SAXO1: variants seen among roughly 807,000 people sequenced by gnomAD.
SAXO1 encodes the protein stabilizer of axonemal microtubules 1, also known as 4930500O09Rik.
A neutral mutation model predicts 17.5 loss-of-function variants in SAXO1; 21 were observed. The ratio of observed to expected loss-of-function variants is 1.20; its 90% CI spans 0.85 to 1.72. SAXO1 has a LOEUF of 1.72. Among genes scored for constraint, SAXO1 ranks in the 40% most tolerant of loss-of-function variants. The pLI is 0.00. For missense variants in SAXO1, 843 were observed against 596.0 expected, an observed-to-expected ratio of 1.41 and a Z score of -4.32; for synonymous variants, 274 against 216.5, an observed-to-expected ratio of 1.27 and a Z score of -2.33.
chr9:18,986,403 T>A (rs951026593), intron 1 of SAXO1, among the ~76,000 whole-genome samples: 1 of 152,214 alleles, frequency 6.6e-6, no homozygotes, highest in African/African-American at 2.4e-5. Flanking sequence ...CAAACTATTT[T>A]AACAGGATAA....
intron 3 of SAXO1, among the ~76,000 whole-genome samples, chr9:18,937,928 A>C (rs1192064182): frequency 6.6e-6 from 1 of 152,248 alleles, no homozygotes; most frequent in East Asian, 1.9e-4. Flanking sequence ...CATAAGACAC[A>C]CATGTTGCAA....
chr9:18,985,959 C>G (rs72694600), intron 1 of SAXO1, among the ~76,000 whole-genome samples: 2 of 152,126 alleles, frequency 1.3e-5, no homozygotes, highest in African/African-American at 4.8e-5. Context: ...TGGTTTCCTA[C>G]CAAGAAGTAA....
At chr9:18,982,141 C>A (rs1230613440) in intron 1 of SAXO1, among the ~76,000 whole-genome samples, 1 of 152,214 alleles carries the variant, frequency 6.6e-6, no homozygotes, top group Admixed American at 6.5e-5. Flanking sequence ...CTCAGAGCCC[C>A]TCCACCCAGC....
chr9:18,965,343 A>G (rs1832672428), intron 1 of SAXO1, among the ~76,000 whole-genome samples: 1 of 152,186 alleles, frequency 6.6e-6, no homozygotes, highest in Non-Finnish European at 1.5e-5. Context: ...TAATATTGAC[A>G]GTGGGGTGTT....
chr9:18,975,953 A>G (rs1478110575), intron 1 of SAXO1, among the ~76,000 whole-genome samples: 1 of 152,238 alleles, frequency 6.6e-6, no homozygotes, highest in Non-Finnish European at 1.5e-5. Flanking sequence ...CAAAGTAACT[A>G]CAGCAGTACT....
intron 3 of SAXO1, among the ~76,000 whole-genome samples, chr9:18,937,308 A>C (rs1563928649): frequency 6.6e-6 from 1 of 152,186 alleles, no homozygotes; most frequent in Non-Finnish European, 1.5e-5. Context: ...GGATTTGTGT[A>C]GATATGCCAA....
intron 3 of SAXO1, among the ~76,000 whole-genome samples, chr9:18,937,986 A>T (rs1392705767): frequency 1.3e-5 from 2 of 152,238 alleles, no homozygotes; most frequent in Non-Finnish European, 2.9e-5. Flanking sequence ...CTTTAGCTAC[A>T]TACTGATTTG....
chr9:18,980,373 G>T (rs75258896), intron 1 of SAXO1, among the ~76,000 whole-genome samples: 27,451 of 151,968 alleles, frequency 0.18, 3,286 homozygotes, highest in Non-Finnish European at 0.27. Flanking sequence ...TTTGGAATCT[G>T]TAGTTTGAAA....
intron 1 of SAXO1, among the ~76,000 whole-genome samples, chr9:19,021,244 G>C (rs1158324936): frequency 6.6e-6 from 1 of 152,214 alleles, no homozygotes; most frequent in Non-Finnish European, 1.5e-5. Flanking sequence ...GAAATGAGAA[G>C]TGGTATGAAG....
intron 1 of SAXO1, among the ~76,000 whole-genome samples, chr9:18,982,753 T>C (rs796456179): frequency 7.9e-5 from 12 of 152,376 alleles, no homozygotes; most frequent in African/African-American, 2.6e-4. Context: ...TAACTGCTTT[T>C]GAAGACTTGC....
chr9:19,013,132 C>CA lies in SAXO1; in HGVS notation c.38+19738dup, dbSNP rs546283924. Among the ~76,000 whole-genome samples, 1,115 of 144,052 alleles carry CA rather than the reference C, an allele frequency of 7.7e-3. 10 individuals carry two copies. Among genetic ancestry groups the CA allele is most frequent in the South Asian group, 0.036 (164 of 4,542 alleles). The allele number at this position is 144,052 out of a possible 152,430, so 94.5% of individuals were successfully genotyped here. On this transcript the variant is annotated intron_variant, in intron 1 of 3. Coordinates refer to ENST00000380534, the MANE Select transcript of SAXO1 (RefSeq NM_153707.4). Reference sequence around the variant, plus strand: ...GATAGATCCTGGAGGGGAACCACACCAAAAAAAAAAGGAATTTGTGAAAGA... The same window carrying CA: ...GATAGATCCTGGAGGGGAACCACACCAAAAAAAAAAAGGAATTTGTGAAAGA...
chr9:18,974,496 T>C lies in SAXO1; in HGVS notation c.39-23559A>G, dbSNP rs116564410. ...AGCTGTTAGAGAAAAAGTTTGAGGG[T>C]TGAGGTAGAGAAATACAAGGTAAGC... On this transcript the variant is annotated intron_variant, in intron 1 of 3. Transcript: ENST00000380534. 7.8e-3 allele frequency among the ~76,000 whole-genome samples: 1,185 copies of C among 152,198 alleles called. 19 individuals carry two copies. Among genetic ancestry groups the C allele is most frequent in the African/African-American group, 0.027 (1,126 of 41,522 alleles).
At chr9:19,044,405 G>C (rs1364754182) in intron 1 of SAXO1, among the ~76,000 whole-genome samples, 1 of 152,166 alleles carries the variant, frequency 6.6e-6, no homozygotes, top group Non-Finnish European at 1.5e-5. Context: ...TTCCAAGAAA[G>C]CTGGCAGATT....
At chr9:19,031,583 C>T (rs1835775250) in intron 1 of SAXO1, among the ~76,000 whole-genome samples, 1 of 152,100 alleles carries the variant, frequency 6.6e-6, no homozygotes, top group Non-Finnish European at 1.5e-5. Context: ...AGAAAGGCGG[C>T]CTTAGAAAAA....
intron 1 of SAXO1, chr9:19,028,159 C>T (rs1835590026): frequency 6.7e-7 from 1 of 1,491,182 alleles, no homozygotes; most frequent in South Asian, 1.1e-5. Flanking sequence ...GCCCCGGACT[C>T]GCGGCTGAAG....
intron 1 of SAXO1, among the ~76,000 whole-genome samples, chr9:19,009,831 C>CTTTTTTT (rs34704836): frequency 6.8e-6 from 1 of 146,100 alleles, no homozygotes; most frequent in Non-Finnish European, 1.5e-5. Context: ...TTGGGGTTTT[C>CTTTTTTT]TTTTTTTTTT....
intron 1 of SAXO1, among the ~76,000 whole-genome samples, chr9:18,990,701 T>C (rs571774812): frequency 6.6e-6 from 1 of 152,278 alleles, no homozygotes; most frequent in East Asian, 1.9e-4. Context: ...CCACTCCCCA[T>C]TGCTCACATT....
chr9:19,037,940 G>C (rs534788702), upstream of SAXO1, among the ~76,000 whole-genome samples: 275 of 152,276 alleles, frequency 1.8e-3, 4 homozygotes, highest in South Asian at 0.029. Flanking sequence ...GATTCAGATG[G>C]TCTCAAGCTT....
chr9:19,014,925 C>T (rs531147823), intron 1 of SAXO1, among the ~76,000 whole-genome samples: 1 of 152,248 alleles, frequency 6.6e-6, no homozygotes, highest in South Asian at 2.1e-4. Context: ...ATCGTGAAAA[C>T]ATAAAAACCT....
Sources: allele counts gnomAD v4.1 joint callset (sites outside exome capture counted in the v4.1 genomes callset), GRCh38; gene constraint gnomAD v4.1.1; transcripts MANE v1.5; gene names NCBI Gene and HGNC (gene_info 2026-07-23, HGNC 2026-07-21).